Variants in ADAT1 observed in about 807,000 individuals in gnomAD.
ADAT1 encodes the protein tRNA-specific adenosine deaminase 1.
ADAT1 carries 58 observed loss-of-function variants against 58.6 expected under a neutral mutation model. The ratio of observed to expected loss-of-function variants is 0.99; its 90% confidence interval spans 0.80 to 1.23. ADAT1 has a LOEUF of 1.23. Among genes scored for constraint, ADAT1 ranks in the 50% most tolerant of loss-of-function variants. The pLI, the probability that ADAT1 is intolerant of heterozygous loss-of-function variation, is 0.00. For synonymous variants in ADAT1, 254 were observed against 220.8 expected (o/e 1.15, Z -1.33); for missense variants, 741 against 608.6 (o/e 1.22, Z -2.29).
In ADAT1 at chr16:75,612,361, G is replaced by C. The variant is rs745981176; in HGVS notation, c.925C>G (p.Leu309Val). Residue 309 changes from leucine (L) to valine (V), a missense_variant, in exon 6 of 10, where the codon CTC becomes GTC. By Grantham distance (32) the Leu-to-Val change is conservative. Transcript: ENST00000564657. ...ATCAACAGTGCCCCTTGGCATCCGA[G>C]GACGTTCCATCGGGCCATCTTGTCA... ...CSDKMARWNVLGCQGALLMHL... is the reference protein window; with the variant it reads ...CSDKMARWNVVGCQGALLMHL... The C allele has an allele frequency of 3.1e-6, 5 of 1,614,194 alleles. No homozygotes were observed. In the South Asian group the frequency reaches 5.5e-5, roughly 18 times the overall value.
chr16:75,608,168 T>C (rs547516376), intron 8 of ADAT1, 56 bp downstream of exon 8: 13 of 1,429,024 alleles, frequency 9.1e-6, no homozygotes, highest in Admixed American at 3.4e-5. Context: ...TAGAATTAGA[T>C]AGTGGTAGAG....
intron 4 of ADAT1, among the ~76,000 whole-genome samples, chr16:75,617,918 CT>C (rs1185520194): frequency 3.6e-5 from 4 of 111,758 alleles, no homozygotes; most frequent in African/African-American, 2.2e-4. Flanking sequence ...GACACCCTGT[CT>C]TTAAAAAAAA....
rs1269295466 is a variant in ADAT1 at position 75,623,080 on chromosome 16, G to A, written c.-699C>T. The A allele has an allele frequency of 6.7e-6, 1 of 150,168 alleles. No homozygotes were observed. The highest frequency in any genetic ancestry group is 1.5e-5 in the Non-Finnish European group (1 of 67,826). 9.3% of individuals were successfully genotyped at this position (150,168 alleles called of 1,614,324 possible). A position where few individuals can be genotyped will look rare whatever the true frequency, so the allele number is the denominator to read the frequency against. ...CCGCGCCAGGAGCTCTTCAGGCGCC[G>A]GCTGCTGACAGTTCCAGGCGTGGAG... On this transcript the variant is annotated 5_prime_UTR_variant, in exon 1 of 10. Transcript: ENST00000564657.
Position 75,608,228 on chromosome 16 carries a change from C to T in ADAT1, c.1285G>A (p.Ala429Thr), listed in dbSNP as rs2081422115. 1 of 1,613,744 alleles carries T rather than the reference C, an allele frequency of 6.2e-7. No individual in the cohort carries two copies. Among genetic ancestry groups the T allele is most frequent in the African/African-American group, 1.3e-5 (1 of 75,022 alleles). Residue 429 changes from alanine to threonine, a missense_variant, in exon 8 of 10, where the codon GCA becomes ACA. Physicochemically the swap from Ala to Thr is moderately conservative, Grantham distance 58. Transcript: ENST00000564657. ...TTKKTIGSLQ[A>T]RSQISKVELF... ...TCCTGCCCCAATATGCTGTACCTTG[C>T]CTGAAGGCTTCCAATTGTTTTCTTT... is the stretch of plus-strand genomic sequence containing the variant.
At chr16:75,619,104 T>C (rs1350718108) in intron 3 of ADAT1, among the ~76,000 whole-genome samples, 4 of 152,218 alleles carry the variant, frequency 2.6e-5, no homozygotes, top group Admixed American at 6.5e-5. Flanking sequence ...CTCATGGTGG[T>C]ACAATTCCAT....
rs915560885 is a variant in ADAT1, at chr16:75,598,921, T to G, written c.*1295A>C. On this transcript the variant is annotated 3_prime_UTR_variant, in exon 10 of 10. Coordinates refer to ENST00000564657, the MANE Select transcript of ADAT1 (RefSeq NM_001324445.2). ...AAAAATATTTATAGCCACAAAATGC[T>G]GAAGAACCAATAAGGACCTTGAGTA... The G allele has an allele frequency of 1.3e-5, 13 of 985,270 alleles. No individual in the cohort carries two copies. The highest frequency in any genetic ancestry group is 2.4e-6 in the Non-Finnish European group (2 of 829,920). 61.0% of individuals were successfully genotyped at this position (985,270 alleles called of 1,614,324 possible).
At chr16:75,611,199 T>C (rs2081521810) in intron 6 of ADAT1, among the ~76,000 whole-genome samples, 1 of 151,908 alleles carries the variant, frequency 6.6e-6, no homozygotes, top group African/African-American at 2.4e-5. Flanking sequence ...TGTAGAAAAA[T>C]CAGAAAATAT....
chr16:75,620,690 A>G lies in ADAT1; in HGVS notation c.110T>C (p.Val37Ala). ...GTCAGCTGGAGATTGTATCTTCACC[A>G]CCGCTGCCAATAATGTCCACTCATG... ...PNHEWTLLAA[V>A]VKIQSPADKA... Residue 37 changes from valine to alanine, a missense_variant, in exon 2 of 10, where the codon GTG (valine) becomes GCG (alanine). By Grantham distance (64) the Val-to-Ala change is moderately conservative. Coordinates refer to ENST00000564657, the MANE Select transcript of ADAT1 (RefSeq NM_001324445.2). The G allele has an allele frequency of 6.2e-7, 1 of 1,613,980 alleles. No individual in the cohort carries two copies. Among genetic ancestry groups the G allele is most frequent in the Non-Finnish European group, 8.5e-7 (1 of 1,180,022 alleles).
At chr16:75,602,271 T>C (rs115130973) in intron 9 of ADAT1, among the ~76,000 whole-genome samples, 99 of 152,352 alleles carry the variant, frequency 6.5e-4, no homozygotes, top group African/African-American at 2.3e-3. Context: ...CTGAGTGAGA[T>C]TCCTAGTTGG....
At chr16:75,611,367 C>T (rs1442909146) in intron 6 of ADAT1, among the ~76,000 whole-genome samples, 1 of 152,034 alleles carries the variant, frequency 6.6e-6, no homozygotes, top group East Asian at 1.9e-4. Flanking sequence ...ACAGTATAGA[C>T]ATGTTTCCAT....
At chr16:75,605,137 C>G (rs760411304) in intron 8 of ADAT1, among the ~76,000 whole-genome samples, 30 of 152,192 alleles carry the variant, frequency 2.0e-4, no homozygotes, top group South Asian at 2.1e-4. Flanking sequence ...GTGGCCCAGG[C>G]TGGAGTGCAG....
At position 75,620,389 on chromosome 16, in the gene ADAT1, T is replaced by C. The variant is rs893593206; in HGVS notation, c.170-55A>G. ...CTGAGAAACGGAATGTTCCCCGGTG[T>C]TCAGGTGTGATCAGCCTGCACACTC... is the stretch of plus-strand genomic sequence containing the variant. On this transcript the variant is annotated intron_variant, in intron 2 of 9. Transcript: ENST00000564657. 3 of 1,591,248 alleles carry C rather than the reference T, an allele frequency of 1.9e-6. No homozygotes were observed. In the African/African-American group the frequency reaches 4.0e-5, roughly 21 times the overall value.
intron 8 of ADAT1, among the ~76,000 whole-genome samples, chr16:75,607,628 G>A (rs923444500): frequency 1.1e-4 from 17 of 152,102 alleles, no homozygotes; most frequent in African/African-American, 4.1e-4. Context: ...ATTGTTGGTA[G>A]AACGTAAAAT....
Position 75,612,235 on chromosome 16 carries a change from C to T in ADAT1, c.1043+8G>A, listed in dbSNP as rs751127137. Reference sequence around the variant, plus strand: ...ACTGTTCCAATTGAGCCCTCCCTACCCTCTCACCTTCCAATCAGTGCTCTC... The same window carrying T: ...ACTGTTCCAATTGAGCCCTCCCTACTCTCTCACCTTCCAATCAGTGCTCTC... On this transcript the variant is annotated splice_region_variant and intron_variant, in intron 6 of 9. Coordinates refer to ENST00000564657, the MANE Select transcript of ADAT1 (RefSeq NM_001324445.2). The T allele has an allele frequency of 1.4e-5, 22 of 1,611,924 alleles. No homozygotes were observed. Among genetic ancestry groups the T allele is most frequent in the Middle Eastern group, 1.7e-4 (1 of 5,990 alleles).
rs369904477 is a variant in ADAT1, at chr16:75,617,103, G to C, written c.424+39C>G. ...TGGATAACACAAACATAAGGAAGTA[G>C]TTCATGTAACATTAATCCAAAGGCT... is the stretch of plus-strand genomic sequence containing the variant. On this transcript the variant is annotated intron_variant, in intron 5 of 9. Transcript: ENST00000564657. 7 of 1,579,926 alleles carry C rather than the reference G, an allele frequency of 4.4e-6. No individual in the cohort carries two copies. The African/African-American group carries it at 8.1e-5, about 18-fold the overall frequency.
At chr16:75,605,139 G>T (rs2081335038) in intron 8 of ADAT1, among the ~76,000 whole-genome samples, 1 of 152,152 alleles carries the variant, frequency 6.6e-6, no homozygotes, top group Non-Finnish European at 1.5e-5. Context: ...GGCCCAGGCT[G>T]GAGTGCAGTG....
intron 4 of ADAT1, among the ~76,000 whole-genome samples, chr16:75,617,639 CT>C (rs947100588): frequency 2.3e-3 from 312 of 138,026 alleles, no homozygotes; most frequent in Non-Finnish European, 2.4e-3. Flanking sequence ...ATTTTTGTTT[CT>C]TTTTTTTTTT....
intron 8 of ADAT1, 85 bp from the exon 9 acceptor site, chr16:75,603,256 T>C: frequency 8.0e-7 from 1 of 1,249,406 alleles, no homozygotes; most frequent in African/African-American, 1.5e-5. Flanking sequence ...CTTCATGTGG[T>C]TTTTAGGTTT....
At chr16:75,613,973 C>T (rs1031483983) in intron 5 of ADAT1, among the ~76,000 whole-genome samples, 2 of 151,914 alleles carry the variant, frequency 1.3e-5, no homozygotes, top group East Asian at 1.9e-4. Context: ...GGGCGGATCA[C>T]GAGGTGAGGA....
Sources: allele counts gnomAD v4.1 joint callset (sites outside exome capture counted in the v4.1 genomes callset), GRCh38; gene constraint gnomAD v4.1.1; transcripts MANE v1.5; gene names NCBI Gene and HGNC (gene_info 2026-07-23, HGNC 2026-07-21).